MPHOSPH9: variants seen among roughly 807,000 people sequenced by gnomAD.
MPHOSPH9 encodes the protein M-phase phosphoprotein 9.
MPHOSPH9 carries 88 observed loss-of-function variants against 145.5 expected under a neutral mutation model. The observed-to-expected ratio is 0.60, with a 90% CI of 0.51 to 0.72. MPHOSPH9 has a LOEUF of 0.72. Among genes scored for constraint, MPHOSPH9 ranks in the 30% least tolerant of loss-of-function variants. The probability of loss-of-function intolerance (pLI) is 0.00; values close to 1 mark genes in which losing one functional copy is unlikely to be tolerated. For missense variants in MPHOSPH9, 1,238 were observed against 1,386.6 expected (o/e 0.89, Z 1.70); for synonymous variants, 435 against 486.2 (o/e 0.89, Z 1.39).
intron 16 of MPHOSPH9, among the ~76,000 whole-genome samples, chr12:123,168,341 C>CTTT (rs1247136954): frequency 8.1e-5 from 11 of 135,426 alleles, no homozygotes; most frequent in African/African-American, 1.7e-4. Flanking sequence ...ACATGACTTT[C>CTTT]TTTTTTTTTT....
intron 8 of MPHOSPH9, among the ~76,000 whole-genome samples, chr12:123,206,738 C>G (rs1047941872): frequency 8.6e-5 from 13 of 150,670 alleles, no homozygotes; most frequent in Admixed American, 4.0e-4. Context: ...ATGGTGGAAC[C>G]TCGTCTCTAC....
intron 23 of MPHOSPH9, chr12:123,160,465 T>A (rs952336629): frequency 1.9e-5 from 5 of 260,198 alleles, no homozygotes; most frequent in Non-Finnish European, 2.9e-5. Context: ...AGAGAGGCAA[T>A]CTGTGAGCAC....
intron 2 of MPHOSPH9, among the ~76,000 whole-genome samples, chr12:123,228,428 G>A (rs534545713): frequency 2.0e-5 from 3 of 152,190 alleles, no homozygotes; most frequent in African/African-American, 7.2e-5. Flanking sequence ...AGTGGCTCAC[G>A]CCTGTAATCC....
At chr12:123,167,888 C>T (rs1713510667) in intron 16 of MPHOSPH9, among the ~76,000 whole-genome samples, 1 of 152,164 alleles carries the variant, frequency 6.6e-6, no homozygotes, top group Non-Finnish European at 1.5e-5. Flanking sequence ...TCACACTAGG[C>T]AACTTCCTGA....
intron 23 of MPHOSPH9, among the ~76,000 whole-genome samples, chr12:123,158,529 C>T (rs2043965351): frequency 6.6e-6 from 1 of 152,164 alleles, no homozygotes; most frequent in Non-Finnish European, 1.5e-5. Context: ...GTCAAGACTA[C>T]AGTGAGCTAT....
At chr12:123,162,981 G>A (rs757871104) in intron 20 of MPHOSPH9, 33 bp downstream of exon 20, 13 of 1,520,160 alleles carry the variant, frequency 8.6e-6, no homozygotes, top group Non-Finnish European at 1.1e-5. Flanking sequence ...CACTAATATA[G>A]TAAACTTTAT....
At chr12:123,224,110 TTATA>T (rs147637276) in intron 3 of MPHOSPH9, among the ~76,000 whole-genome samples, 2 of 120,390 alleles carry the variant, frequency 1.7e-5, no homozygotes, top group Non-Finnish European at 3.2e-5. Context: ...AATTGCTAAT[TTATA>T]TATATATATA....
chr12:123,219,803 G>C (rs894224626), intron 5 of MPHOSPH9, among the ~76,000 whole-genome samples: 1 of 152,072 alleles, frequency 6.6e-6, no homozygotes, highest in South Asian at 2.1e-4. Flanking sequence ...AGGATTACTT[G>C]TTTTACAAAC....
intron 16 of MPHOSPH9, among the ~76,000 whole-genome samples, chr12:123,175,384 A>T (rs1429536316): frequency 1.3e-5 from 2 of 151,982 alleles, no homozygotes; most frequent in Admixed American, 1.3e-4. Flanking sequence ...CGATCTCCTG[A>T]CCTTGTGATC....
chr12:123,230,032 G>A, intron 2 of MPHOSPH9: 1 of 298,102 alleles, frequency 3.4e-6, no homozygotes, highest in Non-Finnish European at 6.3e-6. Context: ...ATGTTAGCCA[G>A]GCTGGTCTCC....
At chr12:123,157,656 A>AT (rs1281932449) in intron 23 of MPHOSPH9, among the ~76,000 whole-genome samples, 266 of 145,658 alleles carry the variant, frequency 1.8e-3, no homozygotes, top group Middle Eastern at 7.0e-3. Flanking sequence ...GATTTTAAAC[A>AT]TTTTTTTTTT....
chr12:123,191,903 G>C (rs2045692465), intron 13 of MPHOSPH9, among the ~76,000 whole-genome samples: 1 of 152,140 alleles, frequency 6.6e-6, no homozygotes, highest in Non-Finnish European at 1.5e-5. Context: ...ATATAACAAA[G>C]AAAGGACATG....
At chr12:123,209,061 C>A (rs1314516373) in intron 8 of MPHOSPH9, among the ~76,000 whole-genome samples, 1 of 151,690 alleles carries the variant, frequency 6.6e-6, no homozygotes, top group Non-Finnish European at 1.5e-5. Flanking sequence ...GCCACCTGAG[C>A]AGCTGGGATT....
chr12:123,180,183 C>G (rs1205939930), intron 14 of MPHOSPH9, among the ~76,000 whole-genome samples, 193 bp from the exon 15 acceptor site: 1 of 152,230 alleles, frequency 6.6e-6, no homozygotes. Flanking sequence ...CCGGCCTACA[C>G]AAGTCCCTCT....
chr12:123,202,978 G>A lies in MPHOSPH9; in HGVS notation c.1427C>T (p.Pro476Leu), dbSNP rs375889396. 1.5e-5 allele frequency: 24 copies of A among 1,613,978 alleles called. 1 individual carries two copies. Among genetic ancestry groups the A allele is most frequent in the Non-Finnish European group, 9.3e-6 (11 of 1,179,996 alleles). Reference protein sequence around the residue: ...NALDDRISFSPDSVLEPSMSS... With the variant: ...NALDDRISFSLDSVLEPSMSS... ...CATACTAGGCTCTAGAACAGAGTCC[G>A]GGGAAAAGGATATTCTGTCATCAAG... Residue 476 changes from proline (P) to leucine (L), a missense_variant, in exon 10 of 24, where the codon CCG becomes CTG. This residue lies in a region of MPHOSPH9 where 837 missense variants were observed against 897.5 expected (regional missense o/e 0.93). Coordinates refer to ENST00000606320, the MANE Select transcript of MPHOSPH9 (RefSeq NM_022782.4).
upstream of MPHOSPH9, among the ~76,000 whole-genome samples, chr12:123,234,260 C>G (rs2047793258): frequency 6.6e-6 from 1 of 152,202 alleles, no homozygotes; most frequent in Non-Finnish European, 1.5e-5. Flanking sequence ...AGGGACTTCC[C>G]TGGCACTATC....
rs193157436 is a variant in MPHOSPH9 at position 123,162,232 on chromosome 12, C to A, written c.3030-14G>T. The A allele has an allele frequency of 1.4e-4, 190 of 1,395,208 alleles. No individual in the cohort carries two copies. The highest frequency in any genetic ancestry group is 1.7e-4 in the Non-Finnish European group (177 of 1,036,682). The allele number at this position is 1,395,208 out of a possible 1,614,324, so 86.4% of individuals were successfully genotyped here. On this transcript the variant is annotated splice_polypyrimidine_tract_variant and intron_variant, in intron 20 of 23. Coordinates refer to ENST00000606320, the MANE Select transcript of MPHOSPH9 (RefSeq NM_022782.4). ...AGTATATCAAATCTATTGAATGAAG[C>A]AAGTTACTTGTGAGAAAAAAAATGT...
chr12:123,169,367 C>T (rs1422134986), intron 16 of MPHOSPH9, among the ~76,000 whole-genome samples: 4 of 151,160 alleles, frequency 2.6e-5, no homozygotes, highest in Admixed American at 6.6e-5. Flanking sequence ...GGTGTGGTGA[C>T]GGGCACCTGT....
At chr12:123,157,735 C>T (rs534551913) in intron 23 of MPHOSPH9, among the ~76,000 whole-genome samples, 3 of 152,284 alleles carry the variant, frequency 2.0e-5, no homozygotes, top group South Asian at 2.1e-4. Flanking sequence ...GATCCACCCA[C>T]CTCGGCCTCC....
Sources: allele counts gnomAD v4.1 joint callset (sites outside exome capture counted in the v4.1 genomes callset), GRCh38; gene constraint gnomAD v4.1.1; regional missense constraint gnomAD v4.1.1; transcripts MANE v1.5; gene names NCBI Gene and HGNC (gene_info 2026-07-23, HGNC 2026-07-21).